Variants in UBN2 observed in about 807,000 individuals in gnomAD.
UBN2 encodes ubinuclein 2.
In UBN2, 35 loss-of-function variants were observed where a neutral mutation model predicts 120.2. The observed-to-expected ratio is 0.29, with a 90% confidence interval of 0.22 to 0.39. UBN2 has a LOEUF of 0.39. UBN2 is among the 10% of genes least tolerant of loss of function. The pLI is 1.00. For synonymous variants in UBN2, 661 were observed against 648.7 expected (o/e 1.02, Z -0.29); for missense variants, 1,693 against 1,663.2 (o/e 1.02, Z -0.31).
Position 139,303,631 on chromosome 7 carries a change from T to C in UBN2, c.*5795T>C, listed in dbSNP as rs1798308658. 1 of 152,224 alleles carries C rather than the reference T, an allele frequency of 6.6e-6. No individual in the cohort carries two copies. The highest frequency in any genetic ancestry group is 2.1e-4 in the South Asian group (1 of 4,830). The allele number at this position is 152,224 out of a possible 1,614,324, so 9.4% of individuals were successfully genotyped here. ...CCCAGGGATATCAGAGACTTTACTA[T>C]TTCAAAAATATTTTGAGTTTTTGTA... On this transcript the variant is annotated 3_prime_UTR_variant, in exon 18 of 18. Transcript: ENST00000473989.
At chr7:139,270,264 G>GAAATACTTT (rs1290608512) in intron 8 of UBN2, among the ~76,000 whole-genome samples, 1 of 149,072 alleles carries the variant, frequency 6.7e-6, no homozygotes, top group Admixed American at 6.7e-5. Flanking sequence ...ACATATAGCA[G>GAAATACTTT]AAATACTTTT....
At chr7:139,329,423 C>T in the UBN2 span, among the ~76,000 whole-genome samples, 1 of 152,058 alleles carries the variant, frequency 6.6e-6, no homozygotes, top group Non-Finnish European at 1.5e-5. Flanking sequence ...TGGACCCTAG[C>T]CCAACTTGTG....
intron 15 of UBN2, among the ~76,000 whole-genome samples, chr7:139,285,937 T>G (rs1182617277): frequency 6.6e-6 from 1 of 151,976 alleles, no homozygotes; most frequent in Non-Finnish European, 1.5e-5. Context: ...ATTATTATTA[T>G]TATTTTTTTG....
chr7:139,241,834 C>T (rs993213156), intron 2 of UBN2, among the ~76,000 whole-genome samples: 1 of 152,126 alleles, frequency 6.6e-6, no homozygotes, highest in African/African-American at 2.4e-5. Context: ...TCTATCTCTA[C>T]TAAAAATACA....
chr7:139,278,597 G>C (rs556009175), intron 12 of UBN2, among the ~76,000 whole-genome samples: 1 of 151,292 alleles, frequency 6.6e-6, no homozygotes, highest in African/African-American at 2.4e-5. Context: ...CCTAGAGGTC[G>C]TTTCCCTAAA....
In UBN2 at chr7:139,298,691, A is replaced by T. The variant is rs1395243092; in HGVS notation, c.*855A>T. On this transcript the variant is annotated 3_prime_UTR_variant, in exon 18 of 18. Coordinates refer to ENST00000473989, the MANE Select transcript of UBN2 (RefSeq NM_173569.4). ...GATGTTAAAATGTGACTGTGTTCAC[A>T]TTTTTCTCCTGAGAAATGGGGATCT... The T allele has an allele frequency of 6.6e-6, 1 of 151,778 alleles. No individual in the cohort carries two copies. Among genetic ancestry groups the T allele is most frequent in the East Asian group, 1.9e-4 (1 of 5,186 alleles). The allele number at this position is 151,778 out of a possible 1,614,324, so 9.4% of individuals were successfully genotyped here. A position where few individuals can be genotyped will look rare whatever the true frequency, so the allele number is the denominator to read the frequency against.
chr7:139,309,366 G>A (rs1798417294), downstream of UBN2, among the ~76,000 whole-genome samples: 1 of 152,040 alleles, frequency 6.6e-6, no homozygotes, highest in African/African-American at 2.4e-5. Context: ...GGGATGAGGG[G>A]GACTGTAAGT....
rs540677481 is a variant in UBN2, at chr7:139,301,932, G to A, written c.*4096G>A. ...AATGAAGCAGAAGAAAAGTGCAGTA[G>A]TAGATAAATGATCACAACATGTTAT... On this transcript the variant is annotated 3_prime_UTR_variant, in exon 18 of 18. Coordinates refer to ENST00000473989, the MANE Select transcript of UBN2 (RefSeq NM_173569.4). 1 of 152,220 alleles carries A rather than the reference G, an allele frequency of 6.6e-6. No homozygotes were observed. The highest frequency in any genetic ancestry group is 2.1e-4 in the South Asian group (1 of 4,824). The allele number at this position is 152,220 out of a possible 1,614,324, so 9.4% of individuals were successfully genotyped here.
rs745528324 is a variant in UBN2, at chr7:139,231,916, C to T, written c.432C>T (p.Phe144=). ...CCACCGACGAGAGCTGCGTGGAGTT[C>T]AGTTACCCGGAGCTGCTGCTGTGCG... ...KDPTDESCVE[F]SYPELLLCGE... Residue 144 remains phenylalanine, a synonymous_variant, in exon 1 of 18, where the codon TTC becomes TTT. Transcript: ENST00000473989. 5 of 1,587,280 alleles carry T rather than the reference C, an allele frequency of 3.2e-6. No individual in the cohort carries two copies. The Admixed American group carries it at 5.1e-5, about 16-fold the overall frequency.
chr7:139,244,298 A>G (rs1365543633), intron 2 of UBN2, among the ~76,000 whole-genome samples: 1 of 152,234 alleles, frequency 6.6e-6, no homozygotes, highest in Non-Finnish European at 1.5e-5. Context: ...ATAGTTTGAT[A>G]GTTGAAAGTG....
chr7:139,255,878 A>G (rs1796751239), intron 3 of UBN2, among the ~76,000 whole-genome samples: 1 of 152,248 alleles, frequency 6.6e-6, no homozygotes, highest in South Asian at 2.1e-4. Flanking sequence ...TTTATTATTA[A>G]TAAATAATGA....
intron 1 of UBN2, among the ~76,000 whole-genome samples, chr7:139,232,655 A>G (rs1796059538): frequency 6.6e-6 from 1 of 152,148 alleles, no homozygotes; most frequent in Admixed American, 6.5e-5. Flanking sequence ...TTGTAATTGA[A>G]TGGGAAGGTG....
chr7:139,266,621 C>G lies in UBN2; in HGVS notation c.1466+218C>G, dbSNP rs138238135. Among the ~76,000 whole-genome samples, 43 of 152,290 alleles carry G rather than the reference C, an allele frequency of 2.8e-4. No homozygotes were observed. The East Asian group carries it at 5.8e-3, about 20-fold the overall frequency. On this transcript the variant is annotated intron_variant, in intron 7 of 17. Coordinates refer to ENST00000473989, the MANE Select transcript of UBN2 (RefSeq NM_173569.4). ...GGATAATCAAAGCTTCCAATAGTTACAACTGCCAGAGCAAGTGACGACTAT... is the reference window on the plus strand; with the variant it reads ...GGATAATCAAAGCTTCCAATAGTTAGAACTGCCAGAGCAAGTGACGACTAT...
In UBN2 at chr7:139,284,080, G is replaced by C; in HGVS notation, c.3175G>C (p.Ala1059Pro). The C allele has an allele frequency of 6.2e-7, 1 of 1,614,006 alleles. No individual in the cohort carries two copies. The highest frequency in any genetic ancestry group is 8.5e-7 in the Non-Finnish European group (1 of 1,179,988). Reference protein sequence around the residue: ...PKPLPSPKPSASPKPSLSAKP... With the variant: ...PKPLPSPKPSPSPKPSLSAKP... ...ACCCCTGCCCTCGCCTAAGCCTTCT[G>C]CCTCACCCAAGCCCTCTCTGTCAGC... The change falls in exon 15 of 18, where the codon GCC (alanine) becomes CCC (proline). Residue 1059 changes from alanine to proline, a missense_variant. By Grantham distance (27) the Ala-to-Pro change is conservative. This residue lies in a region of UBN2 where 837 missense variants were observed against 817.6 expected (regional missense o/e 1.02). Transcript: ENST00000473989.
At position 139,299,039 on chromosome 7, in the gene UBN2, C is replaced by A. The variant is rs1251809726; in HGVS notation, c.*1203C>A. 2 of 152,276 alleles carry A rather than the reference C, an allele frequency of 1.3e-5. No individual in the cohort carries two copies. The highest frequency in any genetic ancestry group is 3.9e-4 in the East Asian group (2 of 5,182). The allele number at this position is 152,276 out of a possible 1,614,324, so 9.4% of individuals were successfully genotyped here. A position where few individuals can be genotyped will look rare whatever the true frequency, so the allele number is the denominator to read the frequency against. On this transcript the variant is annotated 3_prime_UTR_variant, in exon 18 of 18. Coordinates refer to ENST00000473989, the MANE Select transcript of UBN2 (RefSeq NM_173569.4). Reference sequence around the variant, plus strand: ...GAGCATTTGAGATCCTAAAGCTTCACTATTTACTCAGTGTATTGGTATGTG... The same window carrying A: ...GAGCATTTGAGATCCTAAAGCTTCAATATTTACTCAGTGTATTGGTATGTG...
chr7:139,267,536 CA>C (rs1189492166), intron 7 of UBN2, among the ~76,000 whole-genome samples: 2,453 of 79,724 alleles, frequency 0.031, 29 homozygotes, highest in Non-Finnish European at 0.045. Context: ...ACTCTGTCTC[CA>C]AAAAAAAAAA....
chr7:139,308,654 T>G (rs1414666704), downstream of UBN2, among the ~76,000 whole-genome samples: 2 of 152,004 alleles, frequency 1.3e-5, no homozygotes, highest in Non-Finnish European at 2.9e-5. Flanking sequence ...AGCGTGGGAG[T>G]CCTTGATTGT....
At chr7:139,296,191 T>G (rs960878952) in intron 17 of UBN2, among the ~76,000 whole-genome samples, 5 of 152,166 alleles carry the variant, frequency 3.3e-5, no homozygotes, top group African/African-American at 1.2e-4. Flanking sequence ...TTAATTTTAT[T>G]TAGTCTAAAA....
intron 15 of UBN2, among the ~76,000 whole-genome samples, chr7:139,288,340 T>G (rs1037473548): frequency 2.0e-5 from 3 of 152,140 alleles, no homozygotes; most frequent in South Asian, 2.1e-4. Context: ...GAGGTAATGT[T>G]TGATTTGAGA....
Sources: allele counts gnomAD v4.1 joint callset (sites outside exome capture counted in the v4.1 genomes callset), GRCh38; gene constraint gnomAD v4.1.1; regional missense constraint gnomAD v4.1.1; transcripts MANE v1.5; gene names NCBI Gene and HGNC (gene_info 2026-07-23, HGNC 2026-07-21).